Variants in SLIT3 observed in about 807,000 individuals in gnomAD.
SLIT3 encodes slit guidance ligand 3.
In SLIT3, 68 loss-of-function variants were observed where a neutral mutation model predicts 184.0. The ratio of observed to expected loss-of-function variants is 0.37; its 90% confidence interval spans 0.30 to 0.45. SLIT3 has a LOEUF of 0.45. Ranked by LOEUF, SLIT3 falls within the 20% of genes least tolerant of loss-of-function variation. SLIT3 has a pLI of 1.00. For synonymous variants in SLIT3, 831 were observed against 828.6 expected, an observed-to-expected ratio of 1.00 and a Z score of -0.05; for missense variants, 1,707 against 2,026.0, an observed-to-expected ratio of 0.84 and a Z score of 3.02.
intron 4 of SLIT3, among the ~76,000 whole-genome samples, chr5:169,169,306 C>T (rs1215953320): frequency 1.3e-5 from 2 of 152,252 alleles, no homozygotes; most frequent in South Asian, 2.1e-4. Context: ...TTATCTAATC[C>T]GAGTGGGCAT....
intron 4 of SLIT3, among the ~76,000 whole-genome samples, chr5:169,104,794 CA>C (rs761604603): frequency 2.0e-4 from 31 of 152,146 alleles, no homozygotes; most frequent in Non-Finnish European, 3.8e-4. Flanking sequence ...ATCAGCAGCT[CA>C]AAAGAAAACT....
intron 5 of SLIT3, 199 bp from the exon 6 acceptor site, chr5:168,844,854 C>T (rs556773999): frequency 9.9e-5 from 53 of 533,064 alleles, no homozygotes; most frequent in African/African-American, 8.6e-4. Flanking sequence ...CACAGACGAG[C>T]GCACCAAAAG....
intron 4 of SLIT3, among the ~76,000 whole-genome samples, chr5:168,946,179 A>T (rs1346745032): frequency 6.6e-6 from 1 of 152,142 alleles, no homozygotes; most frequent in Non-Finnish European, 1.5e-5. Flanking sequence ...GCTTGCAATC[A>T]CTATACACGT....
intron 17 of SLIT3, 48 bp from the exon 18 acceptor site, chr5:168,753,146 T>C: frequency 6.2e-7 from 1 of 1,603,252 alleles, no homozygotes. Flanking sequence ...TGATCTTTTC[T>C]GTCCCAAATG....
chr5:168,772,388 A>G (rs1470717618), intron 14 of SLIT3: 2 of 226,840 alleles, frequency 8.8e-6, no homozygotes, highest in African/African-American at 4.7e-5. Flanking sequence ...CGCCTGAGCT[A>G]TATGTATTTC....
At chr5:169,079,407 T>C (rs1408272201) in intron 4 of SLIT3, among the ~76,000 whole-genome samples, 1 of 129,872 alleles carries the variant, frequency 7.7e-6, no homozygotes, top group African/African-American at 2.9e-5. Flanking sequence ...AAACGAAAAC[T>C]CCCACTGTCC....
At chr5:169,015,578 C>T (rs1472863261) in intron 4 of SLIT3, among the ~76,000 whole-genome samples, 1 of 152,120 alleles carries the variant, frequency 6.6e-6, no homozygotes, top group African/African-American at 2.4e-5. Flanking sequence ...AAAATTAAGA[C>T]TTTGGAATAG....
At chr5:169,154,492 T>C (rs1762233894) in intron 4 of SLIT3, among the ~76,000 whole-genome samples, 1 of 152,252 alleles carries the variant, frequency 6.6e-6, no homozygotes, top group Non-Finnish European at 1.5e-5. Flanking sequence ...CACATCTCAT[T>C]GCTGAGAACA....
chr5:168,733,052 T>C (rs1246580679), intron 20 of SLIT3, among the ~76,000 whole-genome samples: 1 of 151,792 alleles, frequency 6.6e-6, no homozygotes, highest in Non-Finnish European at 1.5e-5. Flanking sequence ...ACTTTTAAAC[T>C]ATGCCTAAAC....
chr5:169,297,323 A>G (rs1361794798), intron 1 of SLIT3, among the ~76,000 whole-genome samples: 2 of 152,164 alleles, frequency 1.3e-5, no homozygotes, highest in South Asian at 2.1e-4. Flanking sequence ...AGACCCCCCA[A>G]TTCTGATTCT....
intron 4 of SLIT3, among the ~76,000 whole-genome samples, chr5:169,044,587 T>TC (rs1757560555): frequency 1.4e-5 from 1 of 70,644 alleles, no homozygotes; most frequent in African/African-American, 4.2e-5. Context: ...TGGAGGAAGG[T>TC]GGGGGGGGGG....
At position 169,269,681 on chromosome 5, in the gene SLIT3, G is replaced by T. The variant is rs536730855; in HGVS notation, c.198-18222C>A. Among the ~76,000 whole-genome samples, 284 of 152,358 alleles carry T rather than the reference G, an allele frequency of 1.9e-3. 1 individual carries two copies. The highest frequency in any genetic ancestry group is 3.1e-3 in the Non-Finnish European group (214 of 68,034). ...GACCACCAACCCCATTCAGGCAGAA[G>T]CCACTTCTCCCATGTGGCACTGATA... is the stretch of plus-strand genomic sequence containing the variant. On this transcript the variant is annotated intron_variant, in intron 1 of 35. Coordinates refer to ENST00000519560, the MANE Select transcript of SLIT3 (RefSeq NM_003062.4).
intron 4 of SLIT3, among the ~76,000 whole-genome samples, chr5:168,970,032 T>C (rs1020058098): frequency 1.3e-5 from 2 of 151,710 alleles, no homozygotes; most frequent in African/African-American, 2.4e-5. Flanking sequence ...ATACAAAAAA[T>C]TAGCCGGGTG....
chr5:168,850,573 A>G (rs1758632370), intron 5 of SLIT3, among the ~76,000 whole-genome samples: 1 of 152,376 alleles, frequency 6.6e-6, no homozygotes, highest in Middle Eastern at 3.4e-3. Context: ...TTAGCATTCC[A>G]AAGACTTCAA....
chr5:169,296,125 A>G (rs942274638), intron 1 of SLIT3, among the ~76,000 whole-genome samples: 4 of 152,230 alleles, frequency 2.6e-5, no homozygotes, highest in African/African-American at 9.6e-5. Context: ...ATAGGTTACT[A>G]GTGAGGATCC....
At chr5:169,126,187 C>A (rs1761073075) in intron 4 of SLIT3, among the ~76,000 whole-genome samples, 1 of 152,118 alleles carries the variant, frequency 6.6e-6, no homozygotes, top group South Asian at 2.1e-4. Flanking sequence ...TTTGCAGGAT[C>A]CTTTGATAAA....
chr5:169,282,581 T>C (rs1767027768), intron 1 of SLIT3, among the ~76,000 whole-genome samples: 1 of 152,236 alleles, frequency 6.6e-6, no homozygotes, highest in Admixed American at 6.5e-5. Context: ...TTGTATATTC[T>C]ATAATTCTGG....
intron 4 of SLIT3, among the ~76,000 whole-genome samples, chr5:169,113,331 T>G (rs1760480923): frequency 6.6e-6 from 1 of 152,230 alleles, no homozygotes; most frequent in Non-Finnish European, 1.5e-5. Flanking sequence ...ATTTGTATTT[T>G]TGTGACTAGC....
intron 4 of SLIT3, among the ~76,000 whole-genome samples, chr5:169,140,308 CAAAAA>C (rs10536624): frequency 1.2e-4 from 5 of 42,048 alleles, no homozygotes; most frequent in African/African-American, 4.8e-4. Flanking sequence ...ACTAAAAATG[CAAAAA>C]AAAAAAAAAA....
Sources: gnomAD v4.1 joint callset for allele counts (sites outside exome capture counted in the v4.1 genomes callset) on GRCh38, gnomAD v4.1.1 for gene constraint, MANE v1.5 for transcripts, NCBI Gene and HGNC (gene_info 2026-07-23, HGNC 2026-07-21) for gene names.